Variants in AKAP13 observed in about 807,000 individuals in gnomAD.
The protein encoded by AKAP13 is A-kinase anchoring protein 13, also known as A-kinase anchor protein 13.
A neutral mutation model predicts 264.5 loss-of-function variants in AKAP13; 80 were observed. That is an observed-to-expected ratio of 0.30 (90% CI 0.25 to 0.36). The LOEUF (loss-of-function observed/expected upper bound fraction) is 0.36, where lower values mean the gene tolerates loss of function less well. Ranked by LOEUF, AKAP13 falls within the 10% of genes least tolerant of loss-of-function variation. The probability of loss-of-function intolerance (pLI) is 1.00; values close to 1 mark genes in which losing one functional copy is unlikely to be tolerated. For missense variants in AKAP13, 3,712 were observed against 3,435.2 expected, an observed-to-expected ratio of 1.08 and a Z score of -2.01; for synonymous variants, 1,380 against 1,250.2, an observed-to-expected ratio of 1.10 and a Z score of -2.19.
At position 85,540,575 on chromosome 15, in the gene AKAP13, TAC is replaced by T. The variant is rs1367468589; in HGVS notation, c.479-3195_479-3194del. 9.9e-5 allele frequency among the ~76,000 whole-genome samples: 15 copies of T among 152,260 alleles called. No individual in the cohort carries two copies. In the South Asian group the frequency reaches 3.1e-3, roughly 32 times the overall value. On this transcript the variant is annotated intron_variant, in intron 4 of 36. Transcript: ENST00000394518. ...AAAAATGAAGTTGAGTAACTCAGAT[TAC>T]AGAGGAGTACTGATGCAGAGAAAAG... is the stretch of plus-strand genomic sequence containing the variant.
At position 85,743,691 on chromosome 15, in the gene AKAP13, C is replaced by A. The variant is rs746345005; in HGVS notation, c.8258C>A (p.Thr2753Lys). Residue 2753 changes from threonine (T) to lysine (K), a missense_variant, in exon 36 of 37, where the codon ACA becomes AAA. Coordinates refer to ENST00000394518, the MANE Select transcript of AKAP13 (RefSeq NM_007200.5). ...PFHILSSTSQ[T>K]NKGPEGQSQA... Reference sequence around the variant, plus strand: ...CACATACTGAGTTCAACCAGCCAGACAAACAAAGGACCAGAAGGGCAGAGC... The same window carrying A: ...CACATACTGAGTTCAACCAGCCAGAAAAACAAAGGACCAGAAGGGCAGAGC... The A allele has an allele frequency of 8.7e-6, 14 of 1,614,148 alleles. No homozygotes were observed. Among genetic ancestry groups the A allele is most frequent in the Non-Finnish European group, 1.2e-5 (14 of 1,180,012 alleles).
chr15:85,729,179 A>G lies in AKAP13; in HGVS notation c.7088-1334A>G, dbSNP rs1315997731. On this transcript the variant is annotated intron_variant, in intron 29 of 36. Transcript: ENST00000394518. The stretch of plus-strand genomic sequence containing the variant: ...CTGGGCGTGGTGGCACGTGCCTGTA[A>G]TCCCAGCTACTTAGGAGGCTGAGGC... 3.3e-5 allele frequency among the ~76,000 whole-genome samples: 5 copies of G among 152,110 alleles called. No individual in the cohort carries two copies. In the South Asian group the frequency reaches 8.3e-4, roughly 25 times the overall value.
intron 5 of AKAP13, among the ~76,000 whole-genome samples, chr15:85,547,528 G>A (rs542448600): frequency 1.8e-4 from 27 of 148,878 alleles, no homozygotes; most frequent in Admixed American, 6.0e-4. Flanking sequence ...CTACCAGATA[G>A]TAATAACTAC....
Position 85,708,902 on chromosome 15 carries a change from C to T in AKAP13, c.5532+816C>T, listed in dbSNP as rs1462909479. ...CTTATTGAAAGACAACTTACTGAGC[C>T]CCACTCCCAGAGTCTCAGATTCTGG... On this transcript the variant is annotated intron_variant, in intron 18 of 36. Transcript: ENST00000394518. The surrounding 1 kb of genome is among the most constrained non-coding windows in gnomAD (Gnocchi z 4.3). Among the ~76,000 whole-genome samples, 1 of 152,136 alleles carries T rather than the reference C, an allele frequency of 6.6e-6. No homozygotes were observed. Among genetic ancestry groups the T allele is most frequent in the East Asian group, 1.9e-4 (1 of 5,194 alleles).
chr15:85,440,878 A>G (rs2073616349), intron 1 of AKAP13, among the ~76,000 whole-genome samples: 2 of 152,240 alleles, frequency 1.3e-5, no homozygotes. Context: ...AATTTTTAAA[A>G]AAATTCTGCA....
intron 8 of AKAP13, among the ~76,000 whole-genome samples, chr15:85,620,641 T>G (rs972641795): frequency 3.9e-5 from 6 of 152,182 alleles, no homozygotes; most frequent in Admixed American, 6.5e-5. Context: ...TTCAATTCTT[T>G]AGGGGAAGGA....
chr15:85,427,507 T>TTG (rs1315347694), intron 1 of AKAP13, among the ~76,000 whole-genome samples: 3 of 152,114 alleles, frequency 2.0e-5, no homozygotes, highest in Non-Finnish European at 4.4e-5. Flanking sequence ...AAGTTTGTAG[T>TTG]TGTGTGTGTG....
At chr15:85,584,104 G>A (rs1462658444) in intron 7 of AKAP13, among the ~76,000 whole-genome samples, 2 of 152,196 alleles carry the variant, frequency 1.3e-5, no homozygotes, top group African/African-American at 4.8e-5. Context: ...TGATCTCAGA[G>A]CCAAAGGGTA....
chr15:85,452,486 G>A (rs917445115), intron 1 of AKAP13, among the ~76,000 whole-genome samples: 3 of 152,132 alleles, frequency 2.0e-5, no homozygotes, highest in African/African-American at 4.8e-5. Context: ...GTTATTTCTC[G>A]TCAGTGTGTG....
intron 33 of AKAP13, among the ~76,000 whole-genome samples, chr15:85,737,418 A>G (rs2088621129): frequency 6.6e-6 from 1 of 152,180 alleles, no homozygotes; most frequent in African/African-American, 2.4e-5. Flanking sequence ...CCGATACATG[A>G]TAATTGCTTT....
At chr15:85,426,443 G>C (rs1438656257) in intron 1 of AKAP13, among the ~76,000 whole-genome samples, 1 of 152,106 alleles carries the variant, frequency 6.6e-6, no homozygotes, top group East Asian at 1.9e-4. Context: ...TGTGTATGCA[G>C]ATTCACCTGA....
chr15:85,493,603 C>T (rs1388201768), intron 2 of AKAP13, among the ~76,000 whole-genome samples: 1 of 152,124 alleles, frequency 6.6e-6, no homozygotes, highest in Non-Finnish European at 1.5e-5. Context: ...GTTGAAGAAG[C>T]GTACTAGAAA....
intron 1 of AKAP13, among the ~76,000 whole-genome samples, chr15:85,420,679 G>T (rs935415579): frequency 5.3e-5 from 8 of 152,224 alleles, no homozygotes; most frequent in Admixed American, 2.0e-4. Context: ...GAGGTCAAGA[G>T]CTAGCTATTT....
intron 1 of AKAP13, among the ~76,000 whole-genome samples, chr15:85,473,226 C>T (rs938110739): frequency 1.3e-5 from 2 of 151,990 alleles, no homozygotes; most frequent in Admixed American, 6.5e-5. Context: ...TACTGCTTTG[C>T]AGGTTTTGTT....
chr15:85,466,501 T>TC (rs1223315402), intron 1 of AKAP13, among the ~76,000 whole-genome samples: 6 of 152,238 alleles, frequency 3.9e-5, no homozygotes, highest in African/African-American at 1.4e-4. Context: ...AACATGTAAG[T>TC]CTTTAATCCA....
At chr15:85,550,716 AAAT>A (rs1339955951) in intron 5 of AKAP13, among the ~76,000 whole-genome samples, 1 of 152,216 alleles carries the variant, frequency 6.6e-6, no homozygotes, top group Non-Finnish European at 1.5e-5. Context: ...CATACCTTAA[AAAT>A]AATAACCAGA....
At position 85,562,593 on chromosome 15, in the gene AKAP13, A is replaced by T; in HGVS notation, c.663-12538A>T. Among the ~76,000 whole-genome samples, 5 of 130,138 alleles carry T rather than the reference A, an allele frequency of 3.8e-5. 1 individual carries two copies. Among genetic ancestry groups the T allele is most frequent in the South Asian group, 4.8e-4 (2 of 4,190 alleles). 85.4% of individuals were successfully genotyped at this position (130,138 alleles called of 152,430 possible). ...AAAAAAAATATATATATATATATAT[A>T]TATATATATATATCTCTGTCCTTAT... On this transcript the variant is annotated intron_variant, in intron 5 of 36. Coordinates refer to ENST00000394518, the MANE Select transcript of AKAP13 (RefSeq NM_007200.5).
chr15:85,680,455 T>G (rs2084525049), intron 14 of AKAP13, among the ~76,000 whole-genome samples: 1 of 152,274 alleles, frequency 6.6e-6, no homozygotes, highest in South Asian at 2.1e-4. Flanking sequence ...GTGTTGTAAG[T>G]GAAATGAACA....
Position 85,555,471 on chromosome 15 carries a change from G to A in AKAP13, c.662+11516G>A, listed in dbSNP as rs148105606. ...AAAAGAGGATGGGCTTGCGATATTCGGGGTGCTTGGGCAGCCATGTGTGAG... is the reference window on the plus strand; with the variant it reads ...AAAAGAGGATGGGCTTGCGATATTCAGGGTGCTTGGGCAGCCATGTGTGAG... On this transcript the variant is annotated intron_variant, in intron 5 of 36. Transcript: ENST00000394518. 12 of 1,288,232 alleles carry A rather than the reference G, an allele frequency of 9.3e-6. No individual in the cohort carries two copies. In the East Asian group the frequency reaches 1.7e-4, roughly 18 times the overall value. 79.8% of individuals were successfully genotyped at this position (1,288,232 alleles called of 1,614,324 possible).
Sources: allele counts gnomAD v4.1 joint callset (sites outside exome capture counted in the v4.1 genomes callset), GRCh38; gene constraint gnomAD v4.1.1; non-coding constraint Gnocchi (gnomAD v3.1); transcripts MANE v1.5; gene names NCBI Gene and HGNC (gene_info 2026-07-23, HGNC 2026-07-21).